The following GATA4 variants were observed in gnomAD, a reference collection of about 807,000 sequenced individuals.
GATA4 encodes GATA binding protein 4.
Under a neutral mutation model 37.9 loss-of-function variants are expected in GATA4, and 7 were observed. The observed-to-expected ratio is 0.18, with a 90% CI of 0.11 to 0.35. The LOEUF (loss-of-function observed/expected upper bound fraction) is 0.35, where lower values mean the gene tolerates loss of function less well. GATA4 is among the 10% of genes least tolerant of loss of function. The probability of loss-of-function intolerance (pLI) is 1.00; values close to 1 mark genes in which losing one functional copy is unlikely to be tolerated. For missense variants in GATA4, 647 were observed against 653.0 expected (o/e 0.99, Z 0.10); for synonymous variants, 372 against 292.6 (o/e 1.27, Z -2.77).
At position 11,680,605 on chromosome 8, in the gene GATA4, C is replaced by G. The variant is rs140341633; in HGVS notation, c.-274+3542C>G. 2.2e-3 allele frequency: 2,196 copies of G among 985,314 alleles called. 37 individuals are homozygous for G. In the African/African-American group the frequency reaches 0.036, roughly 16 times the overall value. The allele number at this position is 985,314 out of a possible 1,614,324, so 61.0% of individuals were successfully genotyped here. ...GCTATGCCCAGCCGGGTCCGAGCGG[C>G]GGTCGGTGGCGTGACCTCTTGCCAC... On this transcript the variant is annotated intron_variant, in intron 1 of 6. Coordinates refer to the GATA4 transcript ENST00000528712.
At chr8:11,740,373 C>T (rs2130258358) in intron 2 of GATA4, among the ~76,000 whole-genome samples, 2 of 152,328 alleles carry the variant, frequency 1.3e-5, no homozygotes, top group South Asian at 4.1e-4. Context: ...GCCCCCTCCC[C>T]TCAGAAGTGT....
At position 11,707,796 on chromosome 8, in the gene GATA4, A is replaced by G. The variant is rs1483291863; in HGVS notation, c.-457-60A>G. 5.8e-6 allele frequency: 1 copy of G among 172,846 alleles called. No homozygotes were observed. Among genetic ancestry groups the G allele is most frequent in the Non-Finnish European group, 1.2e-5 (1 of 80,994 alleles). The allele number at this position is 172,846 out of a possible 1,614,324, so 10.7% of individuals were successfully genotyped here. Reference sequence around the variant, plus strand: ...GGAAGAAGCAACCACGCAAGTGGAGAGTGGGTTCTGAAAGCTCTGGGATGA... The same window carrying G: ...GGAAGAAGCAACCACGCAAGTGGAGGGTGGGTTCTGAAAGCTCTGGGATGA... On this transcript the variant is annotated intron_variant, in intron 1 of 6. Coordinates refer to ENST00000532059, the MANE Select transcript of GATA4 (RefSeq NM_001308093.3). This position sits in a 1 kb window ranked among gnomAD's most constrained non-coding sequence, Gnocchi z 4.7.
Position 11,680,615 on chromosome 8 carries a change from C to T in GATA4, c.-274+3552C>T, listed in dbSNP as rs1026716231. The T allele has an allele frequency of 1.2e-5, 12 of 985,166 alleles. No homozygotes were observed. The African/African-American group carries it at 1.7e-4, about 14-fold the overall frequency. The allele number at this position is 985,166 out of a possible 1,614,324, so 61.0% of individuals were successfully genotyped here. A position where few individuals can be genotyped will look rare whatever the true frequency, so the allele number is the denominator to read the frequency against. ...GCCGGGTCCGAGCGGCGGTCGGTGG[C>T]GTGACCTCTTGCCACGCCTGGCGCT... is the stretch of plus-strand genomic sequence containing the variant. On this transcript the variant is annotated intron_variant, in intron 1 of 6. Transcript: ENST00000528712.
At position 11,749,137 on chromosome 8, in the gene GATA4, C is replaced by G. The variant is rs760507187; in HGVS notation, c.786+52C>G. On this transcript the variant is annotated intron_variant, in intron 3 of 6. Transcript: ENST00000532059. The surrounding 1 kb of genome is among the most constrained non-coding windows in gnomAD (Gnocchi z 4.6). ...TGGGCACCTGGCTGCGGAGCTCTCG[C>G]CTTGGTGGGACATCCTCTGGTTTTG... 16 of 1,585,724 alleles carry G rather than the reference C, an allele frequency of 1.0e-5. No individual in the cohort carries two copies. Among genetic ancestry groups the G allele is most frequent in the Non-Finnish European group, 1.4e-5 (16 of 1,160,082 alleles).
chr8:11,723,918 C>T lies in GATA4; in HGVS notation c.616+14990C>T, dbSNP rs543067509. On this transcript the variant is annotated intron_variant, in intron 2 of 6. Transcript: ENST00000532059. ...TACAACCATCACCCCCAGCAGTCTC[C>T]GGAACTCTTGCATCTTCCCAAGTGA... 1.4e-4 allele frequency among the ~76,000 whole-genome samples: 22 copies of T among 152,296 alleles called. No individual in the cohort carries two copies. The East Asian group carries it at 2.3e-3, about 16-fold the overall frequency.
intron 2 of GATA4, among the ~76,000 whole-genome samples, chr8:11,720,362 T>C (rs1171218851): frequency 6.6e-6 from 1 of 152,118 alleles, no homozygotes; most frequent in Non-Finnish European, 1.5e-5. Flanking sequence ...GAATTCATGC[T>C]TGCCTGTGTC....
intron 2 of GATA4, among the ~76,000 whole-genome samples, chr8:11,730,849 C>A (rs566621170): frequency 6.6e-6 from 1 of 152,348 alleles, no homozygotes; most frequent in African/African-American, 2.4e-5. Context: ...GCTGGCGGGA[C>A]CTAGGTCAGC....
chr8:11,757,043 G>C lies in GATA4; in HGVS notation c.1109G>C (p.Gly370Ala). ...EEMRPIKTEP[G>A]LSSHYGHSSS... Reference sequence around the variant, plus strand: ...ATGCGTCCCATCAAGACGGAGCCTGGCCTGTCATCTCACTACGGGCACAGC... The same window carrying C: ...ATGCGTCCCATCAAGACGGAGCCTGCCCTGTCATCTCACTACGGGCACAGC... The change falls in exon 6 of 7, where the codon GGC becomes GCC. Residue 370 changes from glycine (G) to alanine (A), a missense_variant. Transcript: ENST00000532059. The C allele has an allele frequency of 6.2e-7, 1 of 1,614,196 alleles. No individual in the cohort carries two copies. The highest frequency in any genetic ancestry group is 1.6e-4 in the Middle Eastern group (1 of 6,062).
intron 2 of GATA4, among the ~76,000 whole-genome samples, chr8:11,712,052 A>G (rs773958732): frequency 4.6e-5 from 7 of 152,158 alleles, no homozygotes; most frequent in Admixed American, 2.6e-4. Flanking sequence ...TCTCGGTCTC[A>G]CCTCTTTTTC....
At chr8:11,693,036 G>A (rs1340402092) in intron 1 of GATA4, 3 of 985,390 alleles carry the variant, frequency 3.0e-6, no homozygotes, top group East Asian at 2.3e-4. Context: ...AGCGCCTGCG[G>A]GGCCTCTGCG....
At chr8:11,713,847 T>C (rs1301748123) in intron 2 of GATA4, among the ~76,000 whole-genome samples, 3 of 152,122 alleles carry the variant, frequency 2.0e-5, no homozygotes, top group African/African-American at 7.2e-5. Context: ...AGGGCTAGGA[T>C]AGGATCTGCA....
intron 2 of GATA4, among the ~76,000 whole-genome samples, chr8:11,726,678 G>GT (rs1800938949): frequency 6.6e-6 from 1 of 152,174 alleles, no homozygotes; most frequent in Non-Finnish European, 1.5e-5. Context: ...TTCTGATGCA[G>GT]TTGGAGGCCT....
At chr8:11,747,788 C>G (rs1585682383) in intron 2 of GATA4, among the ~76,000 whole-genome samples, 2 of 152,074 alleles carry the variant, frequency 1.3e-5, no homozygotes, top group Non-Finnish European at 2.9e-5. Flanking sequence ...ATGATGGCAC[C>G]TTTATATGAT....
intron 6 of GATA4, 38 bp from the exon 7 acceptor site, chr8:11,758,255 G>A (rs780109885): frequency 7.3e-5 from 117 of 1,611,894 alleles, no homozygotes; most frequent in African/African-American, 1.7e-4. Context: ...CCTCAGGAGC[G>A]TCTCCATGGG....
Position 11,758,327 on chromosome 8 carries a change from C to G in GATA4, c.1184C>G (p.Pro395Arg). ...GTCAGTGCGATGTCTGGCCATGGGC[C>G]CTCCATCCACCCTGTCCTCTCGGCC... ...FSVSAMSGHGPSIHPVLSALK... is the reference protein window; with the variant it reads ...FSVSAMSGHGRSIHPVLSALK... The change falls in exon 7 of 7, where the codon CCC becomes CGC. Residue 395 changes from proline to arginine, a missense_variant. By Grantham distance (103) the Pro-to-Arg change is moderately radical (BLOSUM62 -2). This residue lies in a region of GATA4 where 184 missense variants were observed against 157.1 expected (regional missense o/e 1.17). Coordinates refer to ENST00000532059, the MANE Select transcript of GATA4 (RefSeq NM_001308093.3). 3 of 1,614,152 alleles carry G rather than the reference C, an allele frequency of 1.9e-6. No individual in the cohort carries two copies. The highest frequency in any genetic ancestry group is 2.5e-6 in the Non-Finnish European group (3 of 1,180,014).
chr8:11,691,925 A>G, upstream of GATA4: 1 of 804,086 alleles, frequency 1.2e-6, no homozygotes, highest in Non-Finnish European at 1.5e-6. Flanking sequence ...GAAAAAAAAA[A>G]AATCAAAAAC....
At position 11,692,833 on chromosome 8, in the gene GATA4, G is replaced by C. The variant is rs1670299781; in HGVS notation, c.-729+173G>C. ...GCGGGCGCCAGGCCGGGCAGAGGCG[G>C]GGGCGGCCGGCCGGGGGCTGACCCC... is the stretch of plus-strand genomic sequence containing the variant. On this transcript the variant is annotated intron_variant, in intron 1 of 2. Transcript: ENST00000526974. 9.2e-6 allele frequency: 9 copies of C among 981,882 alleles called. 1 individual carries two copies. In the South Asian group the frequency reaches 3.8e-4, roughly 41 times the overall value. 60.8% of individuals were successfully genotyped at this position (981,882 alleles called of 1,614,324 possible). A position where few individuals can be genotyped will look rare whatever the true frequency, so the allele number is the denominator to read the frequency against.
intron 2 of GATA4, among the ~76,000 whole-genome samples, chr8:11,727,102 G>C (rs1040863341): frequency 6.6e-6 from 1 of 152,204 alleles, no homozygotes; most frequent in Non-Finnish European, 1.5e-5. Context: ...AGGGAAACAA[G>C]CTCCCTTCAG....
chr8:11,758,452 C>G lies in GATA4; in HGVS notation c.1309C>G (p.His437Asp). The G allele has an allele frequency of 6.2e-7, 1 of 1,614,222 alleles. No homozygotes were observed. Among genetic ancestry groups the G allele is most frequent in the Non-Finnish European group, 8.5e-7 (1 of 1,180,040 alleles). Residue 437 changes from histidine (H) to aspartate (D), a missense_variant, in exon 7 of 7, where the codon CAC becomes GAC. By Grantham distance (81) the His-to-Asp change is moderately conservative. Coordinates refer to ENST00000532059, the MANE Select transcript of GATA4 (RefSeq NM_001308093.3). The part of the protein sequence containing the change: ...SWNSLVLADS[H>D]GDIITA ...GAACAGCCTGGTCTTGGCCGACAGT[C>G]ACGGGGACATAATCACTGCGTAATC...
Sources: gnomAD v4.1 joint callset for allele counts (sites outside exome capture counted in the v4.1 genomes callset) on GRCh38, gnomAD v4.1.1 for gene constraint, gnomAD v4.1.1 regional missense constraint, Gnocchi (gnomAD v3.1) non-coding constraint, MANE v1.5 for transcripts, NCBI Gene and HGNC (gene_info 2026-07-23, HGNC 2026-07-21) for gene names.